CIPC: variants seen among roughly 807,000 people sequenced by gnomAD.
CIPC encodes the protein CLOCK interacting pacemaker.
A neutral mutation model predicts 26.7 loss-of-function variants in CIPC; 12 were observed. That is an observed-to-expected ratio of 0.45 (90% CI 0.29 to 0.73). The LOEUF (loss-of-function observed/expected upper bound fraction) is 0.73, where lower values mean the gene tolerates loss of function less well. Ranked by LOEUF, CIPC falls within the 30% of genes least tolerant of loss-of-function variation. The probability of loss-of-function intolerance (pLI) is 0.12; values close to 1 mark genes in which losing one functional copy is unlikely to be tolerated. For synonymous variants in CIPC, 170 were observed against 189.8 expected, an observed-to-expected ratio of 0.90 and a Z score of 0.86; for missense variants, 417 against 486.5, an observed-to-expected ratio of 0.86 and a Z score of 1.34.
intron 3 of CIPC, among the ~76,000 whole-genome samples, chr14:77,111,657 A>C (rs1886703851): frequency 6.6e-6 from 1 of 152,202 alleles, no homozygotes; most frequent in South Asian, 2.1e-4. Flanking sequence ...CCAAGTCTAA[A>C]ATTTTGTTCT....
Position 77,113,500 on chromosome 14 carries a change from T to A in CIPC, c.382T>A (p.Leu128Ile), listed in dbSNP as rs1886745417. Residue 128 changes from leucine (L) to isoleucine (I), a missense_variant, in exon 4 of 4, where the codon TTA (leucine) becomes ATA (isoleucine). Physicochemically the swap from Leu to Ile is conservative, Grantham distance 5 (BLOSUM62 2). Coordinates refer to ENST00000361786, the MANE Select transcript of CIPC (RefSeq NM_033426.3). Reference protein sequence around the residue: ...FEVISAQPQLLFLHPPVPSPV... With the variant: ...FEVISAQPQLIFLHPPVPSPV... ...AGTGATCTCAGCACAGCCACAGCTC[T>A]TATTCCTTCATCCACCTGTACCATC... is the stretch of plus-strand genomic sequence containing the variant. 5.0e-6 allele frequency: 8 copies of A among 1,614,196 alleles called. No homozygotes were observed. Among genetic ancestry groups the A allele is most frequent in the Non-Finnish European group, 6.8e-6 (8 of 1,180,028 alleles).
intron 3 of CIPC, among the ~76,000 whole-genome samples, chr14:77,110,252 A>G (rs543937276): frequency 6.6e-6 from 1 of 152,166 alleles, no homozygotes; most frequent in Admixed American, 6.5e-5. Flanking sequence ...GTCCAAAGAG[A>G]CCCTGAAATG....
chr14:77,106,480 A>G (rs1288361370), intron 2 of CIPC, among the ~76,000 whole-genome samples: 1 of 152,044 alleles, frequency 6.6e-6, no homozygotes, highest in African/African-American at 2.4e-5. Context: ...TATATATTGA[A>G]TCATTCAATT....
intron 1 of CIPC, 35 bp from the exon 2 acceptor site, chr14:77,105,622 C>G: frequency 7.0e-7 from 1 of 1,437,468 alleles, no homozygotes; most frequent in Non-Finnish European, 9.5e-7. Flanking sequence ...TTCAGCTCTC[C>G]AGGCAGTGAC....
Position 77,114,277 on chromosome 14 carries a change from G to A in CIPC, c.1159G>A (p.Gly387Ser). ...ASLTPGSSNT[G>S]SDLEAFSDHP... ...TTTAACACCTGGGTCCAGTAATACA[G>A]GCAGTGACCTAGAAGCATTCTCTGA... Residue 387 changes from glycine to serine, a missense_variant, in exon 4 of 4, where the codon GGC becomes AGC. Physicochemically the swap from Gly to Ser is moderately conservative, Grantham distance 56. Transcript: ENST00000361786. 1 of 1,613,600 alleles carries A rather than the reference G, an allele frequency of 6.2e-7. No individual in the cohort carries two copies. The highest frequency in any genetic ancestry group is 1.3e-5 in the African/African-American group (1 of 74,974).
At chr14:77,104,702 T>C (rs562624696) in intron 1 of CIPC, among the ~76,000 whole-genome samples, 17 of 152,352 alleles carry the variant, frequency 1.1e-4, no homozygotes, top group Admixed American at 1.0e-3. Flanking sequence ...ATCCCAGCTA[T>C]GGTGCACTTC....
At chr14:77,101,855 G>T (rs1241837482) in intron 1 of CIPC, among the ~76,000 whole-genome samples, 5 of 152,212 alleles carry the variant, frequency 3.3e-5, no homozygotes, top group African/African-American at 4.8e-5. Flanking sequence ...GGAGGCTGAG[G>T]TGGGAGGATT....
chr14:77,105,597 G>A, intron 1 of CIPC, 60 bp from the exon 2 acceptor site: 1 of 1,195,020 alleles, frequency 8.4e-7, no homozygotes, highest in Non-Finnish European at 1.2e-6. Context: ...TTTATTCACT[G>A]TTTGGATCAC....
chr14:77,103,608 A>C (rs1886535010), intron 1 of CIPC, among the ~76,000 whole-genome samples: 1 of 152,152 alleles, frequency 6.6e-6, no homozygotes, highest in Non-Finnish European at 1.5e-5. Context: ...GGCCATGTTA[A>C]AATATCTGGA....
In CIPC at chr14:77,109,800, T is replaced by C; in HGVS notation, c.137-12T>C. ...AGAGCCTGAGTGAGTTGACCATTCTTCTGCCCACCAGATGGGAGCTCGGAA... is the reference window on the plus strand; with the variant it reads ...AGAGCCTGAGTGAGTTGACCATTCTCCTGCCCACCAGATGGGAGCTCGGAA... On this transcript the variant is annotated splice_polypyrimidine_tract_variant and intron_variant, in intron 2 of 3. Transcript: ENST00000361786. The C allele has an allele frequency of 6.2e-7, 1 of 1,607,278 alleles. No individual in the cohort carries two copies. Among genetic ancestry groups the C allele is most frequent in the South Asian group, 1.1e-5 (1 of 90,746 alleles).
chr14:77,114,463 C>A lies in CIPC; in HGVS notation c.*145C>A. 2.5e-6 allele frequency: 2 copies of A among 814,868 alleles called. No homozygotes were observed. Among genetic ancestry groups the A allele is most frequent in the Non-Finnish European group, 3.9e-6 (2 of 516,314 alleles). 50.5% of individuals were successfully genotyped at this position (814,868 alleles called of 1,614,324 possible). A position where few individuals can be genotyped will look rare whatever the true frequency, so the allele number is the denominator to read the frequency against. Reference sequence around the variant, plus strand: ...TCACTTAGGAAGCCACGTGCCAATACCTGGCTGCTGTCTTAACTCGTAGTC... The same window carrying A: ...TCACTTAGGAAGCCACGTGCCAATAACTGGCTGCTGTCTTAACTCGTAGTC... On this transcript the variant is annotated 3_prime_UTR_variant, in exon 4 of 4. Coordinates refer to ENST00000361786, the MANE Select transcript of CIPC (RefSeq NM_033426.3).
At position 77,115,029 on chromosome 14, in the gene CIPC, A is replaced by G. The variant is rs1257387463; in HGVS notation, c.*711A>G. On this transcript the variant is annotated 3_prime_UTR_variant, in exon 4 of 4. Coordinates refer to ENST00000361786, the MANE Select transcript of CIPC (RefSeq NM_033426.3). ...TATGGAATGAATGCAGTACATCTGG[A>G]ATTGTAGTCGATGAATTGCTTTTTT... The G allele has an allele frequency of 6.6e-6, 1 of 152,226 alleles. No individual in the cohort carries two copies. The highest frequency in any genetic ancestry group is 1.5e-5 in the Non-Finnish European group (1 of 68,030). The allele number at this position is 152,226 out of a possible 1,614,324, so 9.4% of individuals were successfully genotyped here.
intron 3 of CIPC, 95 bp downstream of exon 3, chr14:77,110,076 G>C (rs1392748436): frequency 6.9e-6 from 9 of 1,303,064 alleles, no homozygotes; most frequent in Non-Finnish European, 9.6e-6. Flanking sequence ...GCCAAGGAGA[G>C]ATTTTAGAAA....
At chr14:77,100,140 AAAG>A (rs1886449699) in intron 1 of CIPC, among the ~76,000 whole-genome samples, 1 of 152,220 alleles carries the variant, frequency 6.6e-6, no homozygotes, top group South Asian at 2.1e-4. Context: ...AGAAGTGCAA[AAAG>A]AGTAGTAAGA....
chr14:77,114,609 G>A lies in CIPC; in HGVS notation c.*291G>A, dbSNP rs914083129. 1.2e-5 allele frequency: 4 copies of A among 330,964 alleles called. No homozygotes were observed. Among genetic ancestry groups the A allele is most frequent in the Admixed American group, 9.0e-5 (2 of 22,288 alleles). 20.5% of individuals were successfully genotyped at this position (330,964 alleles called of 1,614,324 possible). On this transcript the variant is annotated 3_prime_UTR_variant, in exon 4 of 4. Transcript: ENST00000361786. ...TCATGGGGCAAAGCAGGAGATGATT[G>A]TGTGGGGCTCTTCCTGCTGTCACCT...
rs182098341 is a variant in CIPC, at chr14:77,112,948, G to T, written c.307-477G>T. Among the ~76,000 whole-genome samples, 14 of 152,252 alleles carry T rather than the reference G, an allele frequency of 9.2e-5. No individual in the cohort carries two copies. The East Asian group carries it at 2.7e-3, about 29-fold the overall frequency. On this transcript the variant is annotated intron_variant, in intron 3 of 3. Transcript: ENST00000361786. The stretch of plus-strand genomic sequence containing the variant: ...GCTGGTCTCGAACTCCTGACCTCAG[G>T]TGATCCACCTCCCTCAGCCTCCCAA...
At position 77,113,484 on chromosome 14, in the gene CIPC, A is replaced by C. The variant is rs750102098; in HGVS notation, c.366A>C (p.Ser122=). The change falls in exon 4 of 4, where the codon TCA becomes TCC. Residue 122 remains serine, a synonymous_variant. Transcript: ENST00000361786. ...WTVQPSFEVI[S]AQPQLLFLHP... ...TCCAGCCCTCCTTTGAAGTGATCTCAGCACAGCCACAGCTCTTATTCCTTC... is the reference window on the plus strand; with the variant it reads ...TCCAGCCCTCCTTTGAAGTGATCTCCGCACAGCCACAGCTCTTATTCCTTC... 8 of 1,613,876 alleles carry C rather than the reference A, an allele frequency of 5.0e-6. No homozygotes were observed. The highest frequency in any genetic ancestry group is 5.9e-6 in the Non-Finnish European group (7 of 1,179,766).
chr14:77,098,561 T>C (rs1354304843), intron 1 of CIPC, 200 bp downstream of exon 1: 1 of 148,888 alleles, frequency 6.7e-6, no homozygotes, highest in Non-Finnish European at 1.5e-5. Flanking sequence ...GTGAGGGGCG[T>C]GGGAGAGGGA....
chr14:77,111,320 G>A (rs866913038), intron 3 of CIPC, among the ~76,000 whole-genome samples: 3 of 152,148 alleles, frequency 2.0e-5, no homozygotes, highest in East Asian at 1.9e-4. Flanking sequence ...ACAAAGACCC[G>A]CCAGAAAAGC....
Sources: gnomAD v4.1 joint callset for allele counts (sites outside exome capture counted in the v4.1 genomes callset) on GRCh38, gnomAD v4.1.1 for gene constraint, MANE v1.5 for transcripts, NCBI Gene and HGNC (gene_info 2026-07-23, HGNC 2026-07-21) for gene names.